The following DMTN variants were observed in gnomAD, a reference collection of about 807,000 sequenced individuals.
The protein encoded by DMTN is dematin.
A neutral mutation model predicts 59.4 loss-of-function variants in DMTN; 27 were observed. That is an observed-to-expected ratio of 0.45 (90% CI 0.33 to 0.63). DMTN has a LOEUF of 0.63. Among genes scored for constraint, DMTN ranks in the 20% least tolerant of loss-of-function variants. The probability of loss-of-function intolerance (pLI) is 0.02; values close to 1 mark genes in which losing one functional copy is unlikely to be tolerated. For synonymous variants in DMTN, 221 were observed against 203.7 expected (o/e 1.08, Z -0.72); for missense variants, 451 against 528.9 (o/e 0.85, Z 1.45).
upstream of DMTN, among the ~76,000 whole-genome samples, chr8:22,052,076 A>G (rs928509690): frequency 6.6e-6 from 1 of 152,000 alleles, no homozygotes; most frequent in African/African-American, 2.4e-5. Flanking sequence ...ACACACACAC[A>G]CCCAGACCGC....
At chr8:22,067,293 C>T in intron 3 of DMTN, 134 bp downstream of exon 3, 1 of 1,171,354 alleles carries the variant, frequency 8.5e-7, no homozygotes. Context: ...AGAGAGAACC[C>T]AGAAACCCAG....
Position 22,073,744 on chromosome 8 carries a change from G to A in DMTN, c.744G>A (p.Leu248=), listed in dbSNP as rs1281586284. The stretch of plus-strand genomic sequence containing the variant: ...TCCCTCCTCAGGTTACTTCCAACTT[G>A]GGAAAGATGATCTTGAAAGAAGAGA... The part of the protein sequence containing the change: ...REELSKVTSN[L]GKMILKEEME... The change falls in exon 10 of 16, where the codon TTG becomes TTA. Residue 248 remains leucine, a synonymous_variant. Coordinates refer to ENST00000358242, the MANE Select transcript of DMTN (RefSeq NM_001387751.1). The A allele has an allele frequency of 1.9e-6, 3 of 1,613,232 alleles. No individual in the cohort carries two copies. The highest frequency in any genetic ancestry group is 2.7e-5 in the African/African-American group (2 of 74,914).
rs1037381195 is a variant in DMTN at position 22,078,376 on chromosome 8, A to AAT, written c.836-1794_836-1793dup. On this transcript the variant is annotated intron_variant, in intron 10 of 15. Coordinates refer to ENST00000358242, the MANE Select transcript of DMTN (RefSeq NM_001387751.1). The stretch of plus-strand genomic sequence containing the variant: ...TGAGACTCTGTATCAAAAAACAAAA[A>AAT]ATATATATATACATATATACATATA... 1.3e-4 allele frequency among the ~76,000 whole-genome samples: 19 copies of AAT among 149,028 alleles called. No individual in the cohort carries two copies. The East Asian group carries it at 3.4e-3, about 27-fold the overall frequency.
At chr8:22,055,302 G>A (rs1399646227), upstream of DMTN, among the ~76,000 whole-genome samples, 1 of 152,130 alleles carries the variant, frequency 6.6e-6, no homozygotes, top group South Asian at 2.1e-4. Flanking sequence ...GGGTGCGGCG[G>A]GGATCAGGAA....
In DMTN at chr8:22,080,168, G is replaced by T; in HGVS notation, c.836-12G>T. The T allele has an allele frequency of 6.2e-7, 1 of 1,614,104 alleles. No individual in the cohort carries two copies. Among genetic ancestry groups the T allele is most frequent in the Non-Finnish European group, 8.5e-7 (1 of 1,179,986 alleles). ...AAAGGGACTGAACTCAGGACCTTTT[G>T]CTGTCTTCCAGCCTTGCACCAGGGA... On this transcript the variant is annotated splice_polypyrimidine_tract_variant and intron_variant, in intron 10 of 15. Coordinates refer to ENST00000358242, the MANE Select transcript of DMTN (RefSeq NM_001387751.1).
chr8:22,082,235 T>C lies in DMTN; in HGVS notation c.*772T>C, dbSNP rs73670338. 17,877 of 456,822 alleles carry C rather than the reference T, an allele frequency of 0.039. 647 individuals carry two copies. The highest frequency in any genetic ancestry group is 0.14 in the African/African-American group (6,777 of 50,100). The allele number at this position is 456,822 out of a possible 1,614,324, so 28.3% of individuals were successfully genotyped here. ...GCCAGGCCTGGCACATTTTGGAGTG[T>C]CCTGGCTACCAGCTCTCACCTACAC... On this transcript the variant is annotated 3_prime_UTR_variant, in exon 16 of 16. Transcript: ENST00000358242.
upstream of DMTN, among the ~76,000 whole-genome samples, chr8:22,055,884 A>G (rs577898740): frequency 1.3e-5 from 2 of 152,106 alleles, no homozygotes; most frequent in South Asian, 4.1e-4. Context: ...AGATTTCCCC[A>G]ACAACAGCTG....
At position 22,081,632 on chromosome 8, in the gene DMTN, T is replaced by G; in HGVS notation, c.*169T>G. The G allele has an allele frequency of 4.8e-6, 3 of 624,870 alleles. No homozygotes were observed. Among genetic ancestry groups the G allele is most frequent in the Non-Finnish European group, 8.5e-6 (3 of 351,960 alleles). 38.7% of individuals were successfully genotyped at this position (624,870 alleles called of 1,614,324 possible). A position where few individuals can be genotyped will look rare whatever the true frequency, so the allele number is the denominator to read the frequency against. ...CCCCGGCAGTGAGCTATGGACTTTC[T>G]TCCCCCTCACAAGGCTGGGGGCCTC... On this transcript the variant is annotated 3_prime_UTR_variant, in exon 16 of 16. Coordinates refer to ENST00000358242, the MANE Select transcript of DMTN (RefSeq NM_001387751.1).
Position 22,067,104 on chromosome 8 carries a change from G to A in DMTN, c.38G>A (p.Gly13Glu). The change falls in exon 3 of 16, where the codon GGG (glycine) becomes GAG (glutamate). Residue 13 changes from glycine (G) to glutamate (E), a missense_variant. Transcript: ENST00000358242. ...RLQKQPLTSP[G>E]SVSPSRDSSV... ...CCCCAGCAACCACTTACCTCCCCCG[G>A]GAGCGTGAGCCCCTCCCGAGATTCC... 1.2e-6 allele frequency: 2 copies of A among 1,605,312 alleles called. No homozygotes were observed. The highest frequency in any genetic ancestry group is 1.7e-6 in the Non-Finnish European group (2 of 1,176,572).
Position 22,070,205 on chromosome 8 carries a change from A to G in DMTN, c.475A>G (p.Thr159Ala), listed in dbSNP as rs755057611. The change falls in exon 8 of 16, where the codon ACC becomes GCC. Residue 159 changes from threonine (T) to alanine (A), a missense_variant. Transcript: ENST00000358242. Reference protein sequence around the residue: ...QRESVGGSPQTKHLIEDLIIE... With the variant: ...QRESVGGSPQAKHLIEDLIIE... ...AGAGTCCGTGGGAGGCAGCCCTCAGACCAAGCACCTCATCGAGGATCTCAT... is the reference window on the plus strand; with the variant it reads ...AGAGTCCGTGGGAGGCAGCCCTCAGGCCAAGCACCTCATCGAGGATCTCAT... 20 of 1,602,890 alleles carry G rather than the reference A, an allele frequency of 1.2e-5. No homozygotes were observed. The East Asian group carries it at 4.5e-4, about 36-fold the overall frequency.
intron 1 of DMTN, among the ~76,000 whole-genome samples, chr8:22,057,456 G>A (rs868202434): frequency 1.3e-5 from 2 of 152,210 alleles, no homozygotes; most frequent in African/African-American, 4.8e-5. Context: ...GTGGGGGCAC[G>A]GGGTGGGCAG....
intron 10 of DMTN, among the ~76,000 whole-genome samples, chr8:22,074,202 G>C (rs748853261): frequency 6.6e-6 from 1 of 152,152 alleles, no homozygotes; most frequent in Admixed American, 6.6e-5. Context: ...CAAGGTGCGC[G>C]GGGTGCTTTG....
Position 22,082,358 on chromosome 8 carries a change from C to T in DMTN, c.*895C>T. 2.5e-6 allele frequency: 1 copy of T among 393,854 alleles called. No homozygotes were observed. The highest frequency in any genetic ancestry group is 5.1e-6 in the Non-Finnish European group (1 of 195,014). The allele number at this position is 393,854 out of a possible 1,614,324, so 24.4% of individuals were successfully genotyped here. The stretch of plus-strand genomic sequence containing the variant: ...CCTGCCCCTGCCCTACCTTACACCC[C>T]CAGCTTGACTTCTTTCCAGTCCACG... On this transcript the variant is annotated 3_prime_UTR_variant, in exon 16 of 16. Transcript: ENST00000358242.
Position 22,082,205 on chromosome 8 carries a change from A to C in DMTN, c.*742A>C. ...CCTTCCGCCTCCCTTGGATGGGGTCAAGAGGCCAGGCCTGGCACATTTTGG... is the reference window on the plus strand; with the variant it reads ...CCTTCCGCCTCCCTTGGATGGGGTCCAGAGGCCAGGCCTGGCACATTTTGG... On this transcript the variant is annotated 3_prime_UTR_variant, in exon 16 of 16. Transcript: ENST00000358242. 2.2e-6 allele frequency: 1 copy of C among 456,944 alleles called. No individual in the cohort carries two copies. Among genetic ancestry groups the C allele is most frequent in the South Asian group, 1.5e-5 (1 of 64,570 alleles). 28.3% of individuals were successfully genotyped at this position (456,944 alleles called of 1,614,324 possible). A position where few individuals can be genotyped will look rare whatever the true frequency, so the allele number is the denominator to read the frequency against.
intron 10 of DMTN, among the ~76,000 whole-genome samples, chr8:22,078,396 C>T (rs1470337826): frequency 1.4e-5 from 2 of 147,372 alleles, no homozygotes; most frequent in African/African-American, 5.1e-5. Flanking sequence ...TACATATATA[C>T]ATATATTCAT....
intron 1 of DMTN, among the ~76,000 whole-genome samples, chr8:22,062,974 A>T (rs147875219): frequency 3.0e-3 from 453 of 152,162 alleles, no homozygotes; most frequent in Middle Eastern, 0.01. Flanking sequence ...TCAGTTCCCC[A>T]GGTTCCCAGG....
intron 10 of DMTN, among the ~76,000 whole-genome samples, chr8:22,075,310 C>CCT: frequency 7.7e-6 from 1 of 130,150 alleles, no homozygotes; most frequent in South Asian, 2.5e-4. Flanking sequence ...CTCCTCCTCC[C>CCT]CCTCCCCCTT....
intron 3 of DMTN, 53 bp from the exon 4 acceptor site, chr8:22,067,474 T>G (rs1585886404): frequency 6.2e-7 from 1 of 1,601,310 alleles, no homozygotes; most frequent in Non-Finnish European, 8.5e-7. Context: ...GCAGGGCCAG[T>G]GTCCTAGGCG....
upstream of DMTN, among the ~76,000 whole-genome samples, chr8:22,054,189 C>T (rs151033974): frequency 1.3e-5 from 2 of 152,088 alleles, no homozygotes; most frequent in East Asian, 1.9e-4. Context: ...CTCCTCAGGT[C>T]GACAGAGGGA....
Sources: gnomAD v4.1 joint callset for allele counts (sites outside exome capture counted in the v4.1 genomes callset) on GRCh38, gnomAD v4.1.1 for gene constraint, MANE v1.5 for transcripts, NCBI Gene and HGNC (gene_info 2026-07-23, HGNC 2026-07-21) for gene names.